Variants in ASIC2 observed in about 807,000 individuals in gnomAD.
ASIC2 encodes the protein acid-sensing ion channel 2.
A neutral mutation model predicts 57.3 loss-of-function variants in ASIC2; 25 were observed. The observed-to-expected ratio is 0.44, with a 90% confidence interval of 0.32 to 0.61. The LOEUF is 0.61. Ranked by LOEUF, ASIC2 falls within the 20% of genes least tolerant of loss-of-function variation. The pLI is 0.06. For synonymous variants in ASIC2, 319 were observed against 307.5 expected (o/e 1.04, Z -0.39); for missense variants, 641 against 738.1 (o/e 0.87, Z 1.52).
intron 1 of ASIC2, among the ~76,000 whole-genome samples, chr17:33,663,759 T>G (rs1907377589): frequency 6.6e-6 from 1 of 152,096 alleles, no homozygotes; most frequent in Admixed American, 6.5e-5. Context: ...GGTTTGAGTT[T>G]TTATCAGCAA....
At chr17:33,671,105 A>T (rs1423916300) in intron 1 of ASIC2, among the ~76,000 whole-genome samples, 1 of 152,022 alleles carries the variant, frequency 6.6e-6, no homozygotes, top group Non-Finnish European at 1.5e-5. Flanking sequence ...TTTATCAATT[A>T]CTCCATGATA....
At chr17:33,760,684 C>CT (rs1323108244) in intron 1 of ASIC2, among the ~76,000 whole-genome samples, 1 of 151,906 alleles carries the variant, frequency 6.6e-6, no homozygotes, top group East Asian at 1.9e-4. Context: ...TAAAACCTTA[C>CT]TTTACATATA....
intron 1 of ASIC2, among the ~76,000 whole-genome samples, chr17:33,188,510 T>C (rs1016468651): frequency 6.6e-6 from 1 of 152,070 alleles, no homozygotes; most frequent in Non-Finnish European, 1.5e-5. Context: ...CATCAAAGCA[T>C]ATCAAAACCA....
intron 1 of ASIC2, among the ~76,000 whole-genome samples, chr17:33,967,000 A>T (rs760200825): frequency 5.9e-5 from 9 of 151,812 alleles, no homozygotes; most frequent in Non-Finnish European, 1.2e-4. Flanking sequence ...CAGTGGTCCC[A>T]GTGACACCTC....
chr17:33,687,854 G>A (rs938690677), intron 1 of ASIC2, among the ~76,000 whole-genome samples: 1 of 152,318 alleles, frequency 6.6e-6, no homozygotes, highest in Non-Finnish European at 1.5e-5. Flanking sequence ...TCTGGTTAGA[G>A]GAGAAGCCAT....
At chr17:33,306,468 C>T (rs550546876) in intron 1 of ASIC2, among the ~76,000 whole-genome samples, 3 of 152,218 alleles carry the variant, frequency 2.0e-5, no homozygotes, top group East Asian at 1.9e-4. Context: ...CAGTTTTACT[C>T]GTGGGAAGAG....
At chr17:33,197,361 G>A (rs1427706691) in intron 1 of ASIC2, among the ~76,000 whole-genome samples, 1 of 152,186 alleles carries the variant, frequency 6.6e-6, no homozygotes, top group Non-Finnish European at 1.5e-5. Flanking sequence ...ACATAGGTAA[G>A]AGGGGCCCTG....
At chr17:33,568,214 C>A (rs924144569) in intron 1 of ASIC2, among the ~76,000 whole-genome samples, 1 of 152,152 alleles carries the variant, frequency 6.6e-6, no homozygotes, top group Non-Finnish European at 1.5e-5. Context: ...CATTAGCATA[C>A]CTTGGTTCAG....
At chr17:33,477,979 A>G (rs921214027) in intron 1 of ASIC2, among the ~76,000 whole-genome samples, 1 of 152,236 alleles carries the variant, frequency 6.6e-6, no homozygotes, top group Non-Finnish European at 1.5e-5. Context: ...GTAGCTAGTC[A>G]GAGGCCAAAC....
chr17:34,136,008 C>T (rs1912117717), intron 1 of ASIC2, among the ~76,000 whole-genome samples: 1 of 152,080 alleles, frequency 6.6e-6, no homozygotes, highest in South Asian at 2.1e-4. Flanking sequence ...CCAAGAGGAT[C>T]CTGGAGAAAC....
intron 3 of ASIC2, among the ~76,000 whole-genome samples, chr17:33,088,593 G>A (rs1026155961): frequency 2.0e-5 from 3 of 151,822 alleles, no homozygotes; most frequent in Non-Finnish European, 4.4e-5. Context: ...AAATTAACTT[G>A]TACAAAAAGT....
At chr17:33,056,570 A>G (rs2091998881) in intron 3 of ASIC2, among the ~76,000 whole-genome samples, 1 of 152,136 alleles carries the variant, frequency 6.6e-6, no homozygotes, top group Non-Finnish European at 1.5e-5. Context: ...AGAGCCTGAC[A>G]TCCCCACTGT....
At chr17:34,120,149 G>A (rs1203299114) in intron 1 of ASIC2, 1 of 152,210 alleles carries the variant, frequency 6.6e-6, no homozygotes, top group African/African-American at 2.4e-5. Flanking sequence ...CTGGCACGTT[G>A]AAGGTAGTAT....
At position 34,126,717 on chromosome 17, in the gene ASIC2, A is replaced by G. The variant is rs374514760; in HGVS notation, c.555+29261T>C. 3.4e-4 allele frequency among the ~76,000 whole-genome samples: 52 copies of G among 152,292 alleles called. 3 individuals are homozygous for G. The South Asian group carries it at 7.7e-3, about 22-fold the overall frequency. On this transcript the variant is annotated intron_variant, in intron 1 of 9. Transcript: ENST00000359872. The stretch of plus-strand genomic sequence containing the variant: ...ACGAAGAGGCAAGGCAGGCACAGGC[A>G]GGGGATGGAGGTGGATGGGACCACA...
intron 1 of ASIC2, among the ~76,000 whole-genome samples, chr17:33,370,133 A>G (rs1318127533): frequency 6.6e-6 from 1 of 152,168 alleles, no homozygotes; most frequent in East Asian, 1.9e-4. Flanking sequence ...CAGCCACCTT[A>G]GGGACAGGCT....
chr17:33,332,796 C>T (rs145994807), intron 1 of ASIC2, among the ~76,000 whole-genome samples: 3,036 of 152,288 alleles, frequency 0.02, 102 homozygotes, highest in African/African-American at 0.069. Flanking sequence ...GAGGCTGAGG[C>T]AGGAGAATCA....
chr17:33,645,987 C>T (rs976850723), intron 1 of ASIC2, among the ~76,000 whole-genome samples: 1 of 152,146 alleles, frequency 6.6e-6, no homozygotes, highest in African/African-American at 2.4e-5. Context: ...GCTAAGCAAA[C>T]TCATCAGTGG....
chr17:33,919,891 C>T (rs1185244388), intron 1 of ASIC2, among the ~76,000 whole-genome samples: 1 of 152,122 alleles, frequency 6.6e-6, no homozygotes, highest in Non-Finnish European at 1.5e-5. Flanking sequence ...CAAAAGAAGA[C>T]AAACAAGTGG....
intron 1 of ASIC2, among the ~76,000 whole-genome samples, chr17:33,586,238 A>G (rs563932180): frequency 1.3e-5 from 2 of 152,154 alleles, no homozygotes; most frequent in South Asian, 4.2e-4. Flanking sequence ...ATCTTTCTGG[A>G]GCTTTTTTCT....
Sources: allele counts gnomAD v4.1 joint callset (sites outside exome capture counted in the v4.1 genomes callset), GRCh38; gene constraint gnomAD v4.1.1; transcripts MANE v1.5; gene names NCBI Gene and HGNC (gene_info 2026-07-23, HGNC 2026-07-21).